CGNL1: variants seen among roughly 807,000 people sequenced by gnomAD.
The protein encoded by CGNL1 is cingulin-like protein 1.
CGNL1 carries 132 observed loss-of-function variants against 141.2 expected under a neutral mutation model. The observed-to-expected ratio is 0.93, with a 90% CI of 0.81 to 1.08. The LOEUF (loss-of-function observed/expected upper bound fraction) is 1.08, where lower values mean the gene tolerates loss of function less well. Among genes scored for constraint, CGNL1 ranks in the 50% least tolerant of loss-of-function variants. The pLI, the probability that CGNL1 is intolerant of heterozygous loss-of-function variation, is 0.00. For missense variants in CGNL1, 1,870 were observed against 1,588.6 expected, an observed-to-expected ratio of 1.18 and a Z score of -3.01; for synonymous variants, 690 against 622.1, an observed-to-expected ratio of 1.11 and a Z score of -1.63.
intron 14 of CGNL1, 98 bp downstream of exon 14, chr15:57,531,877 A>C (rs1372485878): frequency 1.1e-5 from 8 of 736,712 alleles, no homozygotes; most frequent in Non-Finnish European, 1.9e-5. Context: ...GGAGAGAAAA[A>C]TTCATGCCAT....
At chr15:57,525,859 C>T (rs1453628460) in intron 12 of CGNL1, among the ~76,000 whole-genome samples, 3 of 151,514 alleles carry the variant, frequency 2.0e-5, no homozygotes, top group African/African-American at 4.9e-5. Flanking sequence ...GTGAAATTAG[C>T]GCACTGACAT....
intron 13 of CGNL1, among the ~76,000 whole-genome samples, chr15:57,529,399 T>C (rs1326996050): frequency 1.3e-5 from 2 of 152,026 alleles, no homozygotes; most frequent in Non-Finnish European, 2.9e-5. Flanking sequence ...ATGGGGGTGA[T>C]CTAGTCACAA....
rs1395145873 is a variant in CGNL1 at position 57,516,987 on chromosome 15, G to A, written c.2610+1G>A. 8.7e-6 allele frequency: 14 copies of A among 1,612,280 alleles called. No individual in the cohort carries two copies. The highest frequency in any genetic ancestry group is 1.2e-5 in the Non-Finnish European group (14 of 1,179,458). On this transcript the variant is annotated splice_donor_variant, in intron 9 of 18. Coordinates refer to ENST00000281282, the MANE Select transcript of CGNL1 (RefSeq NM_032866.5). LOFTEE classifies it high-confidence loss of function. Reference sequence around the variant, plus strand: ...GAAGGAAACGCTGAAGAAGTACGAGGTGAGGCTCGCTGGGCCCAGGCCCAG... The same window carrying A: ...GAAGGAAACGCTGAAGAAGTACGAGATGAGGCTCGCTGGGCCCAGGCCCAG...
intron 14 of CGNL1, among the ~76,000 whole-genome samples, chr15:57,540,218 T>G (rs1230349184): frequency 1.3e-5 from 2 of 152,210 alleles, no homozygotes; most frequent in Non-Finnish European, 2.9e-5. Flanking sequence ...CCCATTGTAT[T>G]AGCCTGTTCT....
chr15:57,386,903 T>C (rs1426407231), intron 1 of CGNL1, among the ~76,000 whole-genome samples: 1 of 152,164 alleles, frequency 6.6e-6, no homozygotes, highest in Non-Finnish European at 1.5e-5. Flanking sequence ...ATCTTTCTGG[T>C]TCTTGGTATT....
chr15:57,461,950 C>A, intron 8 of CGNL1, 58 bp downstream of exon 8: 2 of 1,271,562 alleles, frequency 1.6e-6, no homozygotes, highest in Non-Finnish European at 2.3e-6. Flanking sequence ...AAGACCCTCT[C>A]TCCCACACCA....
intron 1 of CGNL1, among the ~76,000 whole-genome samples, chr15:57,434,761 T>C (rs1452607841): frequency 6.6e-6 from 1 of 152,202 alleles, no homozygotes; most frequent in Non-Finnish European, 1.5e-5. Context: ...AAATTATTTC[T>C]AACCTGGCTT....
At chr15:57,534,252 C>T (rs1400828299) in intron 14 of CGNL1, among the ~76,000 whole-genome samples, 1 of 152,202 alleles carries the variant, frequency 6.6e-6, no homozygotes, top group Non-Finnish European at 1.5e-5. Context: ...CTTCTCACTG[C>T]ATCATCTGAG....
chr15:57,468,985 A>G (rs896282676), intron 8 of CGNL1, among the ~76,000 whole-genome samples: 2 of 152,212 alleles, frequency 1.3e-5, no homozygotes, highest in African/African-American at 4.8e-5. Flanking sequence ...AGCCACGTGG[A>G]ACTGTAAGTC....
chr15:57,402,960 G>C (rs541866392), intron 1 of CGNL1, among the ~76,000 whole-genome samples: 1 of 152,138 alleles, frequency 6.6e-6, no homozygotes, highest in Non-Finnish European at 1.5e-5. Context: ...GCACATATGC[G>C]TAATTCCAAA....
rs1185199937 is a variant in CGNL1, at chr15:57,548,415, C to G, written c.*925C>G. The stretch of plus-strand genomic sequence containing the variant: ...TAAAGTCAAAGACCAGTTTGGAAAC[C>G]AAAGTTGGAAAAGAAGAATTGTAGT... On this transcript the variant is annotated 3_prime_UTR_variant, in exon 19 of 19. Transcript: ENST00000281282. 2 of 152,114 alleles carry G rather than the reference C, an allele frequency of 1.3e-5. No individual in the cohort carries two copies. The highest frequency in any genetic ancestry group is 4.8e-5 in the African/African-American group (2 of 41,376). The allele number at this position is 152,114 out of a possible 1,614,324, so 9.4% of individuals were successfully genotyped here. A position where few individuals can be genotyped will look rare whatever the true frequency, so the allele number is the denominator to read the frequency against.
chr15:57,400,041 G>A (rs1434789285), intron 1 of CGNL1, among the ~76,000 whole-genome samples: 2 of 150,340 alleles, frequency 1.3e-5, no homozygotes, highest in African/African-American at 4.9e-5. Flanking sequence ...TCACCAAAGT[G>A]GTGGTGCAGT....
chr15:57,451,835 C>T (rs2063326060), intron 5 of CGNL1, among the ~76,000 whole-genome samples: 1 of 151,784 alleles, frequency 6.6e-6, no homozygotes, highest in Non-Finnish European at 1.5e-5. Context: ...TAAAAGAAAC[C>T]CTGTTGGATT....
intron 7 of CGNL1, among the ~76,000 whole-genome samples, chr15:57,459,071 A>G (rs1250706236): frequency 6.6e-6 from 1 of 152,194 alleles, no homozygotes; most frequent in African/African-American, 2.4e-5. Context: ...CAGAGACACA[A>G]TTCTGGAATG....
intron 1 of CGNL1, among the ~76,000 whole-genome samples, chr15:57,387,942 C>T (rs1377883709): frequency 6.6e-6 from 1 of 152,190 alleles, no homozygotes; most frequent in Non-Finnish European, 1.5e-5. Context: ...CTTGGCTATC[C>T]TGCCCCCCTC....
intron 8 of CGNL1, among the ~76,000 whole-genome samples, chr15:57,504,116 G>A (rs1186560055): frequency 2.0e-5 from 3 of 152,116 alleles, no homozygotes; most frequent in African/African-American, 7.2e-5. Flanking sequence ...TGAAAGCAGG[G>A]TGATGATGAT....
At chr15:57,509,428 G>A (rs1285136351) in intron 8 of CGNL1, among the ~76,000 whole-genome samples, 1 of 148,830 alleles carries the variant, frequency 6.7e-6, no homozygotes, top group Non-Finnish European at 1.5e-5. Flanking sequence ...GTCGGCACTA[G>A]GACAAGCAGG....
chr15:57,438,330 C>G lies in CGNL1; in HGVS notation c.331C>G (p.Pro111Ala), dbSNP rs772505623. ...GCTTCCAGAAAACCCATACGCCCAG[C>G]CTAGCCCAATAAGAAACCTGAAACA... Reference protein sequence around the residue: ...LQLPENPYAQPSPIRNLKQPL... With the variant: ...LQLPENPYAQASPIRNLKQPL... The change falls in exon 2 of 19, where the codon CCT (proline) becomes GCT (alanine). Residue 111 changes from proline (P) to alanine (A), a missense_variant. Transcript: ENST00000281282. The G allele has an allele frequency of 2.5e-6, 4 of 1,614,130 alleles. No individual in the cohort carries two copies. Among genetic ancestry groups the G allele is most frequent in the Non-Finnish European group, 3.4e-6 (4 of 1,180,034 alleles).
chr15:57,496,041 A>C, intron 8 of CGNL1, among the ~76,000 whole-genome samples: 1 of 152,216 alleles, frequency 6.6e-6, no homozygotes, highest in East Asian at 1.9e-4. Context: ...CATGAACTCC[A>C]AGATAAGATA....
Sources: allele counts gnomAD v4.1 joint callset (sites outside exome capture counted in the v4.1 genomes callset), GRCh38; gene constraint gnomAD v4.1.1; transcripts MANE v1.5; gene names NCBI Gene and HGNC (gene_info 2026-07-23, HGNC 2026-07-21).